The following NR5A2 variants were observed in gnomAD, a reference collection of about 807,000 sequenced individuals.
The protein encoded by NR5A2 is CYP7A promoter-binding factor.
In NR5A2, 26 loss-of-function variants were observed where a neutral mutation model predicts 62.7. That is an observed-to-expected ratio of 0.41 (90% CI 0.30 to 0.58). NR5A2 has a LOEUF of 0.58. Ranked by LOEUF, NR5A2 falls within the 20% of genes least tolerant of loss-of-function variation. The probability of loss-of-function intolerance (pLI) is 0.22; values close to 1 mark genes in which losing one functional copy is unlikely to be tolerated. For missense variants in NR5A2, 541 were observed against 669.1 expected, an observed-to-expected ratio of 0.81 and a Z score of 2.11; for synonymous variants, 246 against 241.7, an observed-to-expected ratio of 1.02 and a Z score of -0.16.
intron 7 of NR5A2, among the ~76,000 whole-genome samples, chr1:200,128,771 G>A (rs533621741): frequency 2.6e-5 from 4 of 152,174 alleles, no homozygotes; most frequent in South Asian, 2.1e-4. Context: ...ACAGCCGTCC[G>A]CTTTCCTGAA....
chr1:200,036,188 C>T (rs6427800), intron 1 of NR5A2, among the ~76,000 whole-genome samples: 9,634 of 152,258 alleles, frequency 0.063, 937 homozygotes, highest in African/African-American at 0.21. Context: ...CAACTGCTTT[C>T]CCTTCCCGCA....
intron 2 of NR5A2, among the ~76,000 whole-genome samples, chr1:200,040,546 C>T (rs1257632523): frequency 1.5e-5 from 2 of 136,948 alleles, no homozygotes; most frequent in Non-Finnish European, 3.0e-5. Flanking sequence ...CTCCTCATTC[C>T]AAAATAGCAA....
chr1:200,127,856 G>A (rs568787172), intron 7 of NR5A2, among the ~76,000 whole-genome samples: 3 of 149,640 alleles, frequency 2.0e-5, no homozygotes, highest in Non-Finnish European at 4.4e-5. Context: ...TCCTGGAACT[G>A]ATCCCCCTTG....
chr1:200,084,092 G>A (rs1221833616), intron 5 of NR5A2, among the ~76,000 whole-genome samples: 1 of 151,766 alleles, frequency 6.6e-6, no homozygotes, highest in Non-Finnish European at 1.5e-5. Flanking sequence ...AGTATTAGTC[G>A]TATGCCAGGT....
At chr1:200,115,277 G>T (rs1342349102) in intron 6 of NR5A2, among the ~76,000 whole-genome samples, 1 of 152,132 alleles carries the variant, frequency 6.6e-6, no homozygotes, top group Non-Finnish European at 1.5e-5. Flanking sequence ...GGGAAAACAT[G>T]TATCTTAAAA....
chr1:200,129,696 G>A lies in NR5A2; in HGVS notation c.1378+8741G>A, dbSNP rs146248984. 5.9e-5 allele frequency among the ~76,000 whole-genome samples: 9 copies of A among 152,296 alleles called. No homozygotes were observed. In the East Asian group the frequency reaches 1.3e-3, roughly 23 times the overall value. ...TTAACTGCAGTTCCATTAGCTAATC[G>A]GAGTCCTGATGTCAGTGTGACATTG... On this transcript the variant is annotated intron_variant, in intron 7 of 7. Coordinates refer to ENST00000367362, the MANE Select transcript of NR5A2 (RefSeq NM_205860.3).
chr1:200,034,920 G>C (rs932662480), intron 1 of NR5A2, among the ~76,000 whole-genome samples: 2 of 148,348 alleles, frequency 1.3e-5, no homozygotes, highest in Non-Finnish European at 3.0e-5. Context: ...TAACCCGTCT[G>C]TTTCTAATAC....
intron 7 of NR5A2, among the ~76,000 whole-genome samples, chr1:200,125,642 C>T (rs911780255): frequency 2.0e-5 from 3 of 152,172 alleles, no homozygotes; most frequent in Non-Finnish European, 4.4e-5. Context: ...TTCAGGCATT[C>T]TGTAGTGTCT....
At chr1:200,042,131 C>T (rs1006409693) in intron 2 of NR5A2, among the ~76,000 whole-genome samples, 4 of 152,120 alleles carry the variant, frequency 2.6e-5, no homozygotes, top group Non-Finnish European at 5.9e-5. Context: ...AGGCTGGCAC[C>T]GCTGGGAGGA....
intron 5 of NR5A2, among the ~76,000 whole-genome samples, chr1:200,109,134 T>C (rs1206654366): frequency 2.0e-5 from 3 of 152,228 alleles, no homozygotes; most frequent in African/African-American, 7.2e-5. Context: ...CTGGCACTTA[T>C]AACCACCAAA....
At chr1:200,129,982 A>G (rs1368198862) in intron 7 of NR5A2, among the ~76,000 whole-genome samples, 1 of 152,154 alleles carries the variant, frequency 6.6e-6, no homozygotes, top group African/African-American at 2.4e-5. Flanking sequence ...TACTGTAGAC[A>G]CAGTTTTGGA....
chr1:200,069,840 A>T (rs1476811975), intron 5 of NR5A2, among the ~76,000 whole-genome samples: 2 of 150,938 alleles, frequency 1.3e-5, no homozygotes, highest in Non-Finnish European at 2.9e-5. Context: ...TAAGAGGAAC[A>T]TTGGAAAACA....
intron 7 of NR5A2, among the ~76,000 whole-genome samples, chr1:200,168,080 T>C (rs1254069938): frequency 1.3e-5 from 2 of 152,210 alleles, no homozygotes; most frequent in African/African-American, 2.4e-5. Flanking sequence ...TGTGTATACA[T>C]TGTGTATACA....
chr1:200,042,099 G>T (rs887969281), intron 2 of NR5A2, among the ~76,000 whole-genome samples: 1 of 152,158 alleles, frequency 6.6e-6, no homozygotes, highest in Non-Finnish European at 1.5e-5. Flanking sequence ...ACCCTAGTGG[G>T]GGTCTCTTGG....
At chr1:200,065,280 A>G (rs796139939) in intron 5 of NR5A2, among the ~76,000 whole-genome samples, 15 of 149,566 alleles carry the variant, frequency 1.0e-4, no homozygotes, top group African/African-American at 3.8e-4. Flanking sequence ...AGAAGCTGGC[A>G]CTACAGGTGT....
chr1:200,125,946 T>C (rs1394652008), intron 7 of NR5A2, among the ~76,000 whole-genome samples: 1 of 152,094 alleles, frequency 6.6e-6, no homozygotes, highest in African/African-American at 2.4e-5. Context: ...ACTCCTAGGC[T>C]CAAATGATCC....
In NR5A2 at chr1:200,168,790, T is replaced by G. The variant is rs558679961; in HGVS notation, c.1379-5173T>G. On this transcript the variant is annotated intron_variant, in intron 7 of 7. Transcript: ENST00000367362. ...TCGTATGAAAAGAACGAACATGTTCTGCAACTTCCAGAAGTTCTTACAAAA... is the reference window on the plus strand; with the variant it reads ...TCGTATGAAAAGAACGAACATGTTCGGCAACTTCCAGAAGTTCTTACAAAA... Among the ~76,000 whole-genome samples the G allele has an allele frequency of 5.9e-5, 9 of 152,344 alleles. No homozygotes were observed. The South Asian group carries it at 1.9e-3, about 32-fold the overall frequency.
At chr1:200,133,625 AC>A (rs1667087909) in intron 7 of NR5A2, among the ~76,000 whole-genome samples, 1 of 136,530 alleles carries the variant, frequency 7.3e-6, no homozygotes, top group African/African-American at 2.7e-5. Context: ...ACACACACAC[AC>A]GTATATATGT....
chr1:200,029,647 G>C (rs960799794), intron 1 of NR5A2: 1 of 152,250 alleles, frequency 6.6e-6, no homozygotes, highest in African/African-American at 2.4e-5. Context: ...TGGCCTCAGC[G>C]AGACTACCCC....
Sources: gnomAD v4.1 joint callset for allele counts (sites outside exome capture counted in the v4.1 genomes callset) on GRCh38, gnomAD v4.1.1 for gene constraint, MANE v1.5 for transcripts, NCBI Gene and HGNC (gene_info 2026-07-23, HGNC 2026-07-21) for gene names.